SH3GL2: variants seen among roughly 807,000 people sequenced by gnomAD.
SH3GL2 encodes SH3 domain containing GRB2 like 2, endophilin A1, also known as endophilin-A1.
Under a neutral mutation model 46.0 loss-of-function variants are expected in SH3GL2, and 24 were observed. The ratio of observed to expected loss-of-function variants is 0.52; its 90% CI spans 0.38 to 0.73. The LOEUF (loss-of-function observed/expected upper bound fraction) is 0.73. SH3GL2 is among the 30% of genes least tolerant of loss of function. SH3GL2 has a pLI of 0.00. For synonymous variants in SH3GL2, 196 were observed against 147.1 expected (o/e 1.33, Z -2.40); for missense variants, 413 against 424.2 (o/e 0.97, Z 0.23).
intron 1 of SH3GL2, among the ~76,000 whole-genome samples, chr9:17,741,165 A>G (rs965993267): frequency 1.3e-5 from 2 of 152,166 alleles, no homozygotes; most frequent in African/African-American, 4.8e-5. Flanking sequence ...TAGAATGTTA[A>G]TTAAAGTAAT....
At chr9:17,717,843 C>T (rs1321140721) in intron 1 of SH3GL2, among the ~76,000 whole-genome samples, 1 of 152,070 alleles carries the variant, frequency 6.6e-6, no homozygotes, top group African/African-American at 2.4e-5. Context: ...CTAGCAGCTG[C>T]TCCATACCCA....
intron 1 of SH3GL2, among the ~76,000 whole-genome samples, chr9:17,684,602 A>G (rs565957864): frequency 6.6e-6 from 1 of 152,292 alleles, no homozygotes; most frequent in South Asian, 2.1e-4. Context: ...CACATACCAC[A>G]TAAGAAATCC....
intron 1 of SH3GL2, among the ~76,000 whole-genome samples, chr9:17,631,679 TCA>T (rs1819429694): frequency 6.6e-6 from 1 of 152,148 alleles, no homozygotes; most frequent in African/African-American, 2.4e-5. Context: ...TATTTTGGGT[TCA>T]GTGGGGCTTT....
At chr9:17,579,528 C>G (rs1446687425) in intron 1 of SH3GL2, among the ~76,000 whole-genome samples, 1 of 152,088 alleles carries the variant, frequency 6.6e-6, no homozygotes, top group African/African-American at 2.4e-5. Context: ...GGCGTCCTGC[C>G]TGGTAGCGCT....
intron 1 of SH3GL2, among the ~76,000 whole-genome samples, chr9:17,710,186 A>T (rs1024374998): frequency 2.0e-5 from 3 of 151,992 alleles, no homozygotes; most frequent in Non-Finnish European, 4.4e-5. Flanking sequence ...CTCATGGTTT[A>T]AAAAGAGGCT....
intron 1 of SH3GL2, among the ~76,000 whole-genome samples, chr9:17,680,763 A>G (rs1159031370): frequency 2.0e-5 from 3 of 152,000 alleles, no homozygotes; most frequent in African/African-American, 4.8e-5. Flanking sequence ...TCTTGTGGGC[A>G]TTTAGTGCTA....
At chr9:17,745,973 T>C (rs1408842586) in intron 1 of SH3GL2, among the ~76,000 whole-genome samples, 2 of 152,366 alleles carry the variant, frequency 1.3e-5, no homozygotes, top group African/African-American at 2.4e-5. Context: ...CTTCGTGCCA[T>C]TAACATTTAG....
chr9:17,641,228 T>C (rs932907200), intron 1 of SH3GL2, among the ~76,000 whole-genome samples: 13 of 152,190 alleles, frequency 8.5e-5, no homozygotes, highest in Admixed American at 8.5e-4. Flanking sequence ...CAAACAGTTT[T>C]TCCAGTCTCT....
intron 1 of SH3GL2, among the ~76,000 whole-genome samples, chr9:17,697,949 A>G (rs1821249765): frequency 1.3e-5 from 2 of 152,328 alleles, no homozygotes; most frequent in South Asian, 4.1e-4. Context: ...AAAATGGGCT[A>G]AGATTTAGAT....
chr9:17,642,400 T>C (rs1776047480), intron 1 of SH3GL2, among the ~76,000 whole-genome samples: 1 of 152,242 alleles, frequency 6.6e-6, no homozygotes, highest in Non-Finnish European at 1.5e-5. Context: ...TGCCATTGCT[T>C]TTGGTGTTTT....
intron 3 of SH3GL2, among the ~76,000 whole-genome samples, chr9:17,777,396 A>T (rs1035182971): frequency 6.6e-6 from 1 of 152,208 alleles, no homozygotes; most frequent in African/African-American, 2.4e-5. Flanking sequence ...ACTTTGATTT[A>T]AAGTTTGTTA....
chr9:17,743,600 A>ACACACACCCC (rs1554645782), intron 1 of SH3GL2, among the ~76,000 whole-genome samples: 3 of 146,162 alleles, frequency 2.1e-5, no homozygotes, highest in African/African-American at 7.5e-5. Context: ...ACACACACAC[A>ACACACACCCC]CCCCAAATAG....
chr9:17,730,775 A>G (rs1247492533), intron 1 of SH3GL2, among the ~76,000 whole-genome samples: 2 of 146,360 alleles, frequency 1.4e-5, no homozygotes, highest in African/African-American at 5.3e-5. Flanking sequence ...TATGACGTGA[A>G]TTGATGGTAA....
intron 1 of SH3GL2, among the ~76,000 whole-genome samples, chr9:17,735,180 G>T (rs1822294673): frequency 6.6e-6 from 1 of 152,068 alleles, no homozygotes; most frequent in Non-Finnish European, 1.5e-5. Context: ...TAAAGGGGCA[G>T]CCTCCTAGAA....
chr9:17,630,138 ATATAAT>A (rs1563789568), intron 1 of SH3GL2, among the ~76,000 whole-genome samples: 4 of 152,222 alleles, frequency 2.6e-5, no homozygotes, highest in South Asian at 2.1e-4. Flanking sequence ...AGAATCTAAC[ATATAAT>A]TAGAATTCAA....
chr9:17,738,288 G>GA (rs989554285), intron 1 of SH3GL2, among the ~76,000 whole-genome samples: 141 of 148,796 alleles, frequency 9.5e-4, no homozygotes, highest in African/African-American at 3.3e-3. Flanking sequence ...ACCCTAATCT[G>GA]AAAAAAAAAT....
At chr9:17,641,476 A>G (rs769127243) in intron 1 of SH3GL2, among the ~76,000 whole-genome samples, 7 of 152,332 alleles carry the variant, frequency 4.6e-5, no homozygotes, top group East Asian at 1.9e-4. Flanking sequence ...GTTCTGGGAT[A>G]CATGTGGAGA....
chr9:17,673,371 C>T (rs1172679790), intron 1 of SH3GL2, among the ~76,000 whole-genome samples: 1 of 148,992 alleles, frequency 6.7e-6, no homozygotes, highest in Non-Finnish European at 1.5e-5. Flanking sequence ...CGAGGCTGGT[C>T]CCGAATGCAG....
intron 7 of SH3GL2, among the ~76,000 whole-genome samples, 157 bp from the exon 8 acceptor site, chr9:17,793,210 T>C (rs369211139): frequency 1.5e-3 from 236 of 152,330 alleles, no homozygotes; most frequent in African/African-American, 5.2e-3. Flanking sequence ...CTCAGACATA[T>C]ACATACAAGA....
Sources: allele counts gnomAD v4.1 joint callset (sites outside exome capture counted in the v4.1 genomes callset), GRCh38; gene constraint gnomAD v4.1.1; transcripts MANE v1.5; gene names NCBI Gene and HGNC (gene_info 2026-07-23, HGNC 2026-07-21).